The following CDH4 variants were observed in gnomAD, a reference collection of about 807,000 sequenced individuals.
CDH4 encodes cadherin 4, also known as cadherin-4.
CDH4 carries 33 observed loss-of-function variants against 86.0 expected under a neutral mutation model. That is an observed-to-expected ratio of 0.38 (90% CI 0.29 to 0.51). CDH4 has a LOEUF of 0.51. Ranked by LOEUF, CDH4 falls within the 20% of genes least tolerant of loss-of-function variation. The probability of loss-of-function intolerance (pLI) is 0.86; values close to 1 mark genes in which losing one functional copy is unlikely to be tolerated. For synonymous variants in CDH4, 555 were observed against 549.4 expected, an observed-to-expected ratio of 1.01 and a Z score of -0.14; for missense variants, 1,114 against 1,307.4, an observed-to-expected ratio of 0.85 and a Z score of 2.28.
chr20:61,401,753 GGGAGTAAA>G (rs1214662158), intron 2 of CDH4, among the ~76,000 whole-genome samples: 2 of 152,198 alleles, frequency 1.3e-5, no homozygotes, highest in Admixed American at 6.5e-5. Flanking sequence ...TCTTTGGCCA[GGGAGTAAA>G]TACAATGACT....
At chr20:61,643,616 G>T (rs1376153674) in intron 2 of CDH4, among the ~76,000 whole-genome samples, 2 of 152,238 alleles carry the variant, frequency 1.3e-5, no homozygotes, top group Non-Finnish European at 2.9e-5. Context: ...ACAGCATTTA[G>T]TGTAATCGGA....
chr20:61,494,626 A>G (rs1218528029), intron 2 of CDH4, among the ~76,000 whole-genome samples: 2 of 152,264 alleles, frequency 1.3e-5, no homozygotes, highest in East Asian at 1.9e-4. Flanking sequence ...ACAAAAATCT[A>G]TATGTGAGAG....
chr20:61,369,164 A>G (rs1055422635), intron 2 of CDH4, among the ~76,000 whole-genome samples: 9 of 152,076 alleles, frequency 5.9e-5, no homozygotes, highest in African/African-American at 1.9e-4. Flanking sequence ...GTTAAAAGAC[A>G]TTGTTAGGCT....
intron 2 of CDH4, among the ~76,000 whole-genome samples, chr20:61,696,765 T>G (rs146158585): frequency 9.8e-4 from 149 of 152,286 alleles, no homozygotes; most frequent in African/African-American, 2.6e-3. Context: ...ATCCATGTCC[T>G]CACCCCCAGA....
chr20:61,252,486 G>A lies in CDH4; in HGVS notation c.-28G>A. On this transcript the variant is annotated 5_prime_UTR_variant, in exon 1 of 16. Coordinates refer to ENST00000614565, the MANE Select transcript of CDH4 (RefSeq NM_001794.5). This position sits in a 1 kb window ranked among gnomAD's most constrained non-coding sequence, Gnocchi z 4.4. The stretch of plus-strand genomic sequence containing the variant: ...CGGCGGCAGGGAGCGGGCTCCCGGT[G>A]CCGGGCACCGGGCGGGCGGCGGGGA... 8.8e-7 allele frequency: 1 copy of A among 1,136,234 alleles called. No homozygotes were observed. 70.4% of individuals were successfully genotyped at this position (1,136,234 alleles called of 1,614,324 possible). A position where few individuals can be genotyped will look rare whatever the true frequency, so the allele number is the denominator to read the frequency against.
At chr20:61,850,023 G>C (rs1982641642) in intron 5 of CDH4, among the ~76,000 whole-genome samples, 1 of 152,218 alleles carries the variant, frequency 6.6e-6, no homozygotes, top group African/African-American at 2.4e-5. Context: ...CCCAGCCTGA[G>C]TACGCTGACG....
chr20:61,361,218 C>T (rs1213456018), intron 2 of CDH4, among the ~76,000 whole-genome samples: 2 of 151,866 alleles, frequency 1.3e-5, no homozygotes, highest in Non-Finnish European at 2.9e-5. Context: ...AGGGCCCTCC[C>T]GTTGCTCTGG....
intron 9 of CDH4, among the ~76,000 whole-genome samples, chr20:61,920,677 CGTG>C (rs983316577): frequency 2.2e-5 from 3 of 139,482 alleles, no homozygotes; most frequent in Non-Finnish European, 3.0e-5. Context: ...TGCATGGAAG[CGTG>C]GTGTCGTGAT....
At chr20:61,631,443 C>T (rs1308289403) in intron 2 of CDH4, among the ~76,000 whole-genome samples, 1 of 152,180 alleles carries the variant, frequency 6.6e-6, no homozygotes, top group Non-Finnish European at 1.5e-5. Flanking sequence ...GATTCGAAAC[C>T]AGCCTGGCCA....
At chr20:61,877,281 C>T (rs1984070177) in intron 7 of CDH4, among the ~76,000 whole-genome samples, 2 of 152,178 alleles carry the variant, frequency 1.3e-5, no homozygotes, top group Admixed American at 1.3e-4. Flanking sequence ...GCAGCTGGAC[C>T]CCCTGCCCAG....
At chr20:61,687,559 T>C (rs2087599161) in intron 2 of CDH4, among the ~76,000 whole-genome samples, 1 of 152,206 alleles carries the variant, frequency 6.6e-6, no homozygotes, top group Non-Finnish European at 1.5e-5. Context: ...TTAGGAGTAG[T>C]TTTAAGCACA....
chr20:61,433,992 C>T (rs1176137834), intron 2 of CDH4, among the ~76,000 whole-genome samples: 1 of 152,222 alleles, frequency 6.6e-6, no homozygotes, highest in Non-Finnish European at 1.5e-5. Context: ...GTGTCCCAGC[C>T]ACCACCATCG....
At chr20:61,565,222 A>AGGT (rs1228602020) in intron 2 of CDH4, among the ~76,000 whole-genome samples, 829 of 10,640 alleles carry the variant, frequency 0.078, 129 homozygotes, top group Non-Finnish European at 0.096. Flanking sequence ...TCTCGGTGGT[A>AGGT]GGTGGTGGTG....
At chr20:61,639,509 C>T (rs545551803) in intron 2 of CDH4, among the ~76,000 whole-genome samples, 2 of 152,320 alleles carry the variant, frequency 1.3e-5, no homozygotes, top group Admixed American at 6.5e-5. Context: ...AAATCATTTA[C>T]GATATTAATT....
chr20:61,465,778 T>C (rs947535570), intron 2 of CDH4, among the ~76,000 whole-genome samples: 1 of 152,230 alleles, frequency 6.6e-6, no homozygotes, highest in African/African-American at 2.4e-5. Flanking sequence ...ATTTTGACCC[T>C]ATGGAATTGT....
chr20:61,754,919 A>G lies in CDH4; in HGVS notation c.396+11130A>G, dbSNP rs2088543414. 2 of 152,108 alleles carry G rather than the reference A, an allele frequency of 1.3e-5. No individual in the cohort carries two copies. Among genetic ancestry groups the G allele is most frequent in the South Asian group, 4.2e-4 (2 of 4,808 alleles). The allele number at this position is 152,108 out of a possible 1,614,324, so 9.4% of individuals were successfully genotyped here. On this transcript the variant is annotated intron_variant, in intron 3 of 15. Transcript: ENST00000614565. The surrounding 1 kb of genome is among the most constrained non-coding windows in gnomAD (Gnocchi z 4.7). The stretch of plus-strand genomic sequence containing the variant: ...TACCACACACAGAGTGCGTGCCTGT[A>G]TTAGTCCGTTTTCACACTACTGATA...
chr20:61,858,203 CTA>C (rs1232319584), intron 6 of CDH4, among the ~76,000 whole-genome samples: 5 of 136,260 alleles, frequency 3.7e-5, no homozygotes, highest in African/African-American at 1.1e-4. Flanking sequence ...GTCTCTGTGT[CTA>C]TATGTGTGTC....
intron 2 of CDH4, among the ~76,000 whole-genome samples, 153 bp from the exon 3 acceptor site, chr20:61,743,410 C>G (rs897447513): frequency 6.6e-6 from 1 of 152,168 alleles, no homozygotes; most frequent in Non-Finnish European, 1.5e-5. Flanking sequence ...TGAGATAAAA[C>G]ACACCACCTT....
Position 61,482,458 on chromosome 20 carries a change from A to C in CDH4, c.169+227521A>C, listed in dbSNP as rs368140758. ...TCGCTGTTTTCTCTCTTGTGGCCCC[A>C]CCCAAGTCCTGTTAAACTTGAGCGG... On this transcript the variant is annotated intron_variant, in intron 2 of 15. Coordinates refer to ENST00000614565, the MANE Select transcript of CDH4 (RefSeq NM_001794.5). Among the ~76,000 whole-genome samples the C allele has an allele frequency of 7.2e-5, 11 of 152,262 alleles. No homozygotes were observed. In the East Asian group the frequency reaches 2.1e-3, roughly 29 times the overall value.
Sources: gnomAD v4.1 joint callset for allele counts (sites outside exome capture counted in the v4.1 genomes callset) on GRCh38, gnomAD v4.1.1 for gene constraint, Gnocchi (gnomAD v3.1) non-coding constraint, MANE v1.5 for transcripts, NCBI Gene and HGNC (gene_info 2026-07-23, HGNC 2026-07-21) for gene names.